The following AKT3 variants were observed in gnomAD, a reference collection of about 807,000 sequenced individuals.
AKT3 encodes RAC-gamma serine/threonine-protein kinase.
AKT3 carries 15 observed loss-of-function variants against 65.3 expected under a neutral mutation model. That is an observed-to-expected ratio of 0.23 (90% CI 0.15 to 0.35). The LOEUF is 0.35. Among genes scored for constraint, AKT3 ranks in the 10% least tolerant of loss-of-function variants. The probability of loss-of-function intolerance (pLI) is 1.00; values close to 1 mark genes in which losing one functional copy is unlikely to be tolerated. For synonymous variants in AKT3, 206 were observed against 183.8 expected (o/e 1.12, Z -0.98); for missense variants, 243 against 576.5 (o/e 0.42, Z 5.92).
At chr1:243,806,256 T>C (rs757149261) in intron 2 of AKT3, among the ~76,000 whole-genome samples, 10 of 152,222 alleles carry the variant, frequency 6.6e-5, no homozygotes, top group Non-Finnish European at 1.2e-4. Flanking sequence ...ATGTTTTTCA[T>C]CTCACCCAAT....
At chr1:243,489,774 G>T (rs1427932412) in intron 13 of AKT3, among the ~76,000 whole-genome samples, 1 of 152,172 alleles carries the variant, frequency 6.6e-6, no homozygotes, top group East Asian at 1.9e-4. Context: ...TGGCAAGTAG[G>T]GACACCGCAA....
At chr1:243,813,467 T>C (rs1361063103) in intron 2 of AKT3, among the ~76,000 whole-genome samples, 1 of 150,732 alleles carries the variant, frequency 6.6e-6, no homozygotes, top group East Asian at 1.9e-4. Flanking sequence ...ATACCACCTG[T>C]TCCCCAAACG....
chr1:243,762,941 A>G (rs1689583220), intron 2 of AKT3, among the ~76,000 whole-genome samples: 2 of 152,116 alleles, frequency 1.3e-5, no homozygotes, highest in South Asian at 4.1e-4. Flanking sequence ...ATTTCTAAGT[A>G]TAATTACTCA....
At chr1:243,819,784 A>G (rs1189197068) in intron 2 of AKT3, among the ~76,000 whole-genome samples, 1 of 152,198 alleles carries the variant, frequency 6.6e-6, no homozygotes, top group Non-Finnish European at 1.5e-5. Flanking sequence ...GAAATCACAG[A>G]GGAAGGAGTA....
chr1:243,706,863 A>G (rs987362795), intron 2 of AKT3, among the ~76,000 whole-genome samples: 1 of 152,120 alleles, frequency 6.6e-6, no homozygotes. Flanking sequence ...GCTCTGAGAC[A>G]CTGGGACAAG....
chr1:243,779,358 C>T (rs924665900), intron 2 of AKT3, among the ~76,000 whole-genome samples: 1 of 144,252 alleles, frequency 6.9e-6, no homozygotes, highest in Non-Finnish European at 1.5e-5. Context: ...CCAGCAATAC[C>T]TGAGCAGTGA....
At chr1:243,620,845 T>C (rs1449457530) in intron 6 of AKT3, among the ~76,000 whole-genome samples, 1 of 152,202 alleles carries the variant, frequency 6.6e-6, no homozygotes, top group Non-Finnish European at 1.5e-5. Context: ...ATGAACTCCT[T>C]TGACTTCCAT....
intron 8 of AKT3, among the ~76,000 whole-genome samples, chr1:243,610,276 C>T (rs1298472759): frequency 6.6e-6 from 1 of 152,142 alleles, no homozygotes; most frequent in Non-Finnish European, 1.5e-5. Context: ...AGGGAATGTT[C>T]ATCCATTTGT....
At chr1:243,783,220 A>AT (rs1691025137) in intron 2 of AKT3, among the ~76,000 whole-genome samples, 1 of 152,206 alleles carries the variant, frequency 6.6e-6, no homozygotes, top group Non-Finnish European at 1.5e-5. Flanking sequence ...ATAAAGCATG[A>AT]TTAGAGGGTT....
At chr1:243,656,815 T>C (rs991914151) in intron 4 of AKT3, among the ~76,000 whole-genome samples, 2 of 152,176 alleles carry the variant, frequency 1.3e-5, no homozygotes, top group African/African-American at 4.8e-5. Flanking sequence ...TGAAAGTAGT[T>C]AGCTGTTAAG....
At chr1:243,737,848 G>T (rs1558766567) in intron 2 of AKT3, among the ~76,000 whole-genome samples, 1 of 152,124 alleles carries the variant, frequency 6.6e-6, no homozygotes, top group Non-Finnish European at 1.5e-5. Context: ...ATATAAAATT[G>T]ATCTAGACTA....
At chr1:243,586,833 C>T (rs991244830) in intron 8 of AKT3, among the ~76,000 whole-genome samples, 2 of 151,156 alleles carry the variant, frequency 1.3e-5, no homozygotes, top group Admixed American at 6.6e-5. Context: ...TGGCCATATA[C>T]CCAGGTAACA....
chr1:243,840,577 ATAATG>A (rs1271468491), intron 2 of AKT3, among the ~76,000 whole-genome samples: 11 of 152,236 alleles, frequency 7.2e-5, no homozygotes, highest in Admixed American at 5.9e-4. Context: ...TATTATTTAT[ATAATG>A]TAATATTTTA....
chr1:243,687,995 A>T (rs950504123), intron 3 of AKT3: 49 of 152,314 alleles, frequency 3.2e-4, no homozygotes, highest in African/African-American at 1.1e-3. Context: ...CCATTTGTCT[A>T]AAAATTTGAT....
intron 3 of AKT3, among the ~76,000 whole-genome samples, chr1:243,667,928 C>A (rs1292612921): frequency 2.0e-5 from 3 of 152,160 alleles, no homozygotes; most frequent in Non-Finnish European, 4.4e-5. Flanking sequence ...TTCTTTCCCC[C>A]CTCACACACC....
chr1:243,561,234 C>A (rs1673752788), intron 10 of AKT3, among the ~76,000 whole-genome samples: 1 of 151,960 alleles, frequency 6.6e-6, no homozygotes, highest in African/African-American at 2.4e-5. Flanking sequence ...GAATAATAGA[C>A]CAGCATGAGT....
At chr1:243,519,214 C>G (rs1670555675) in intron 12 of AKT3, among the ~76,000 whole-genome samples, 1 of 152,196 alleles carries the variant, frequency 6.6e-6, no homozygotes, top group African/African-American at 2.4e-5. Context: ...GACATCTCAT[C>G]TGGTTCAGCT....
At chr1:243,758,268 AAAG>A (rs528911894) in intron 2 of AKT3, among the ~76,000 whole-genome samples, 5 of 152,332 alleles carry the variant, frequency 3.3e-5, no homozygotes, top group African/African-American at 1.2e-4. Context: ...AAAATATAGC[AAAG>A]GAGGGAATAT....
chr1:243,686,553 T>G lies in AKT3; in HGVS notation c.172+9038A>C, dbSNP rs183800872. Reference sequence around the variant, plus strand: ...AAAGGAGGAATGATTGCCAGTTAATTCAGCAAACATTACTAAGTACCTTCT... The same window carrying G: ...AAAGGAGGAATGATTGCCAGTTAATGCAGCAAACATTACTAAGTACCTTCT... On this transcript the variant is annotated intron_variant, in intron 3 of 13. Transcript: ENST00000673466. 9.0e-5 allele frequency among the ~76,000 whole-genome samples: 13 copies of G among 144,476 alleles called. No individual in the cohort carries two copies. In the East Asian group the frequency reaches 2.7e-3, roughly 31 times the overall value. The allele number at this position is 144,476 out of a possible 152,430, so 94.8% of individuals were successfully genotyped here. A position where few individuals can be genotyped will look rare whatever the true frequency, so the allele number is the denominator to read the frequency against.
Sources: gnomAD v4.1 joint callset for allele counts (sites outside exome capture counted in the v4.1 genomes callset) on GRCh38, gnomAD v4.1.1 for gene constraint, MANE v1.5 for transcripts, NCBI Gene and HGNC (gene_info 2026-07-23, HGNC 2026-07-21) for gene names.